MLPH: variants seen among roughly 807,000 people sequenced by gnomAD.
The protein encoded by MLPH is exophilin-3.
Under a neutral mutation model 72.1 loss-of-function variants are expected in MLPH, and 51 were observed. The ratio of observed to expected loss-of-function variants is 0.71; its 90% CI spans 0.56 to 0.89. The LOEUF is 0.89. MLPH is among the 40% of genes least tolerant of loss of function. MLPH has a pLI of 0.00. For missense variants in MLPH, 743 were observed against 759.9 expected, an observed-to-expected ratio of 0.98 and a Z score of 0.26; for synonymous variants, 301 against 310.1, an observed-to-expected ratio of 0.97 and a Z score of 0.31.
At chr2:237,545,786 A>G in intron 12 of MLPH, 1 of 489,766 alleles carries the variant, frequency 2.0e-6, no homozygotes, top group South Asian at 2.9e-5. Flanking sequence ...CAGGATGCCC[A>G]GTTAGCTCTA....
At chr2:237,534,766 T>G (rs974394618) in intron 9 of MLPH, 119 bp downstream of exon 9, 1 of 839,536 alleles carries the variant, frequency 1.2e-6, no homozygotes, top group Non-Finnish European at 2.0e-6. Flanking sequence ...TTTGTAAGGT[T>G]AAGTTCTGTG....
chr2:237,551,315 G>C (rs191178695), intron 14 of MLPH, among the ~76,000 whole-genome samples: 21 of 152,270 alleles, frequency 1.4e-4, no homozygotes, highest in Non-Finnish European at 5.9e-5. Context: ...ACAGGAGCAC[G>C]CTGCTGAGCC....
At position 237,541,162 on chromosome 2, in the gene MLPH, C is replaced by T. The variant is rs1574895411; in HGVS notation, c.1446+205C>T. On this transcript the variant is annotated intron_variant, in intron 11 of 15. Coordinates refer to ENST00000264605, the MANE Select transcript of MLPH (RefSeq NM_024101.7). This position sits in a 1 kb window ranked among gnomAD's most constrained non-coding sequence, Gnocchi z 5.1. ...AATTCGCCACCCCCTGAGCCCTCCA[C>T]CCCTTCCCTTTTTCCTGTTCAACTT... 6.6e-6 allele frequency among the ~76,000 whole-genome samples: 1 copy of T among 152,300 alleles called. No homozygotes were observed. The highest frequency in any genetic ancestry group is 6.5e-5 in the Admixed American group (1 of 15,308).
chr2:237,550,500 C>T (rs972437860), intron 14 of MLPH, among the ~76,000 whole-genome samples: 1 of 152,114 alleles, frequency 6.6e-6, no homozygotes, highest in African/African-American at 2.4e-5. Context: ...GCTGGCTCTG[C>T]GGGGAGTTTC....
intron 1 of MLPH, among the ~76,000 whole-genome samples, chr2:237,490,077 G>A (rs896691165): frequency 4.5e-4 from 69 of 152,294 alleles, no homozygotes; most frequent in Admixed American, 3.3e-4. Context: ...CAGGAACCTC[G>A]TGAGCAGGCG....
chr2:237,493,662 G>A, intron 2 of MLPH, 126 bp downstream of exon 2: 1 of 721,090 alleles, frequency 1.4e-6, no homozygotes, highest in East Asian at 2.7e-5. Flanking sequence ...CAGGAAGCCA[G>A]GTCTGGGACA....
intron 9 of MLPH, chr2:237,537,838 A>C (rs547637320): frequency 6.6e-6 from 1 of 152,036 alleles, no homozygotes; most frequent in East Asian, 1.9e-4. Context: ...CTCCAGTGTC[A>C]GTGGAGGTGA....
Position 237,493,120 on chromosome 2 carries a change from G to A in MLPH, c.-24-283G>A, listed in dbSNP as rs182519993. Among the ~76,000 whole-genome samples, 54 of 152,296 alleles carry A rather than the reference G, an allele frequency of 3.5e-4. 1 individual carries two copies. In the East Asian group the frequency reaches 9.9e-3, roughly 28 times the overall value. On this transcript the variant is annotated intron_variant, in intron 1 of 15. Transcript: ENST00000264605. ...GCCCCTGGATGGGGAGATCACTGAC[G>A]TTCATCCCACAGTGGAAAGAAAATG...
intron 4 of MLPH, chr2:237,518,252 T>G: frequency 3.9e-6 from 2 of 509,030 alleles, no homozygotes; most frequent in East Asian, 3.8e-5. Context: ...GGTGGATGGA[T>G]TGATGCATGG....
chr2:237,513,150 T>C (rs1196156346), intron 4 of MLPH, among the ~76,000 whole-genome samples: 1 of 152,054 alleles, frequency 6.6e-6, no homozygotes, highest in Non-Finnish European at 1.5e-5. Flanking sequence ...GTTAATGTTT[T>C]GAAACCTGAC....
At position 237,493,446 on chromosome 2, in the gene MLPH, T is replaced by G; in HGVS notation, c.20T>G (p.Leu7Arg). The G allele has an allele frequency of 6.2e-7, 1 of 1,614,052 alleles. No individual in the cohort carries two copies. The highest frequency in any genetic ancestry group is 1.1e-5 in the South Asian group (1 of 91,078). MGKKLDLSKLTDEEAQH... is the reference protein window; with the variant it reads MGKKLDRSKLTDEEAQH... Reference sequence around the variant, plus strand: ...GCAGAAATGGGGAAGAAACTGGATCTTTCCAAGCTCACTGATGAAGAGGCC... The same window carrying G: ...GCAGAAATGGGGAAGAAACTGGATCGTTCCAAGCTCACTGATGAAGAGGCC... The change falls in exon 2 of 16, where the codon CTT (leucine) becomes CGT (arginine). Residue 7 changes from leucine to arginine, a missense_variant. Coordinates refer to ENST00000264605, the MANE Select transcript of MLPH (RefSeq NM_024101.7).
At chr2:237,553,039 T>C in intron 15 of MLPH, 1 of 461,098 alleles carries the variant, frequency 2.2e-6, no homozygotes, top group South Asian at 1.6e-5. Flanking sequence ...CAGCATTTTC[T>C]GGAGTTTAAG....
At chr2:237,546,577 A>G (rs944812644) in intron 12 of MLPH, 29 bp from the exon 13 acceptor site, 1 of 1,606,632 alleles carries the variant, frequency 6.2e-7, no homozygotes, top group Non-Finnish European at 8.5e-7. Context: ...AGGTTCAACA[A>G]TAACATAAGT....
chr2:237,489,546 T>C (rs544059183), intron 1 of MLPH, among the ~76,000 whole-genome samples: 6 of 152,298 alleles, frequency 3.9e-5, no homozygotes, highest in African/African-American at 1.4e-4. Context: ...GACGGCAGCA[T>C]TCGGGAAACA....
intron 12 of MLPH, 53 bp from the exon 13 acceptor site, chr2:237,546,553 C>T (rs2080922002): frequency 6.6e-7 from 1 of 1,515,276 alleles, no homozygotes; most frequent in East Asian, 2.3e-5. Context: ...GCCCATGCTC[C>T]TCCCTGTGGC....
intron 8 of MLPH, among the ~76,000 whole-genome samples, chr2:237,528,848 C>T (rs2080360031): frequency 6.6e-6 from 1 of 152,190 alleles, no homozygotes; most frequent in Non-Finnish European, 1.5e-5. Context: ...TAAATGGACT[C>T]ACAGAAGGAC....
intron 8 of MLPH, among the ~76,000 whole-genome samples, chr2:237,532,830 T>G (rs1559364210): frequency 6.6e-6 from 1 of 152,166 alleles, no homozygotes; most frequent in African/African-American, 2.4e-5. Flanking sequence ...CCAGAAAATC[T>G]CTCCATAAGG....
intron 12 of MLPH, chr2:237,545,395 G>T: frequency 8.1e-7 from 1 of 1,237,646 alleles, no homozygotes; most frequent in Non-Finnish European, 1.1e-6. Context: ...TAGCCAGTTA[G>T]CCAGCTGTGC....
chr2:237,525,591 A>T lies in MLPH; in HGVS notation c.676-10A>T. 6.2e-7 allele frequency: 1 copy of T among 1,614,002 alleles called. No homozygotes were observed. Among genetic ancestry groups the T allele is most frequent in the South Asian group, 1.1e-5 (1 of 91,076 alleles). On this transcript the variant is annotated splice_polypyrimidine_tract_variant and intron_variant, in intron 6 of 15. Coordinates refer to ENST00000264605, the MANE Select transcript of MLPH (RefSeq NM_024101.7). ...CCCTGCAGAGGAGGCTGACAGCCCCATGTGCTTAGTCCCTCACAGATGAGT... is the reference window on the plus strand; with the variant it reads ...CCCTGCAGAGGAGGCTGACAGCCCCTTGTGCTTAGTCCCTCACAGATGAGT...
Sources: gnomAD v4.1 joint callset for allele counts (sites outside exome capture counted in the v4.1 genomes callset) on GRCh38, gnomAD v4.1.1 for gene constraint, Gnocchi (gnomAD v3.1) non-coding constraint, MANE v1.5 for transcripts, NCBI Gene and HGNC (gene_info 2026-07-23, HGNC 2026-07-21) for gene names.